SLC26A6: variants seen among roughly 807,000 people sequenced by gnomAD.
SLC26A6 encodes anion exchange transporter.
SLC26A6 carries 67 observed loss-of-function variants against 87.1 expected under a neutral mutation model. The ratio of observed to expected loss-of-function variants is 0.77; its 90% CI spans 0.63 to 0.94. The LOEUF (loss-of-function observed/expected upper bound fraction) is 0.94, where lower values mean the gene tolerates loss of function less well. SLC26A6 is among the 40% of genes least tolerant of loss of function. SLC26A6 has a pLI of 0.00. For synonymous variants in SLC26A6, 414 were observed against 405.9 expected, an observed-to-expected ratio of 1.02 and a Z score of -0.24; for missense variants, 902 against 973.0, an observed-to-expected ratio of 0.93 and a Z score of 0.97.
rs779746430 is a variant in SLC26A6, at chr3:48,626,959, G to T, written c.1990C>A (p.Pro664Thr). 4.3e-6 allele frequency: 7 copies of T among 1,614,104 alleles called. No homozygotes were observed. Among genetic ancestry groups the T allele is most frequent in the Admixed American group, 3.3e-5 (2 of 60,000 alleles). The change falls in exon 18 of 21, where the codon CCT (proline) becomes ACT (threonine). Residue 664 changes from proline to threonine, a missense_variant. Physicochemically the swap from Pro to Thr is conservative, Grantham distance 38. Around this residue, in one of 3 missense-constraint regions of SLC26A6, gnomAD observed 800 missense variants for 856.8 expected, o/e 0.93. Coordinates refer to ENST00000395550, the MANE Select transcript of SLC26A6 (RefSeq NM_022911.3). ...ATGAGGCTGTGGAAGTCTGGCTGAG[G>T]CAGGCCCAGGGCCTTCAGTGTGGAC... is the stretch of plus-strand genomic sequence containing the variant. ...DGSTLKALGL[P>T]QPDFHSLILD... is the part of the protein sequence containing the mutation.
In SLC26A6 at chr3:48,626,868, G is replaced by A. The variant is rs201456876; in HGVS notation, c.2073+8C>T. Reference sequence around the variant, plus strand: ...GCTCGAGGGGCCTTGGCCTGCCCCCGTCCTTACATTCTTCAGGCTCTTGAG... The same window carrying A: ...GCTCGAGGGGCCTTGGCCTGCCCCCATCCTTACATTCTTCAGGCTCTTGAG... On this transcript the variant is annotated splice_region_variant and intron_variant, in intron 18 of 20. Transcript: ENST00000395550. 64 of 1,612,082 alleles carry A rather than the reference G, an allele frequency of 4.0e-5. No homozygotes were observed. The East Asian group carries it at 4.0e-4, about 10-fold the overall frequency.
At chr3:48,634,288 C>T (rs1229526956) in intron 1 of SLC26A6, 2 of 152,766 alleles carry the variant, frequency 1.3e-5, no homozygotes, top group African/African-American at 4.8e-5. Context: ...GGAGAGGCTC[C>T]CACATGGAAA....
intron 13 of SLC26A6, 56 bp downstream of exon 13, chr3:48,629,816 A>C (rs2046729934): frequency 1.1e-5 from 18 of 1,611,322 alleles, no homozygotes; most frequent in Non-Finnish European, 1.4e-5. Flanking sequence ...AGCTGCGGGG[A>C]GCCCTGTGGT....
At chr3:48,635,317 C>T in intron 1 of SLC26A6, 54 bp downstream of exon 1, 2 of 1,522,160 alleles carry the variant, frequency 1.3e-6, no homozygotes, top group African/African-American at 1.5e-5. Context: ...GCGGAGAATG[C>T]CTGCTCCAGC....
chr3:48,631,332 G>C (rs1384109945), intron 7 of SLC26A6, 26 bp from the exon 8 acceptor site: 1 of 1,536,712 alleles, frequency 6.5e-7, no homozygotes, highest in Non-Finnish European at 8.8e-7. Context: ...GAGTCAGGGA[G>C]GCAGGTGCTG....
intron 5 of SLC26A6, 73 bp downstream of exon 5, chr3:48,632,172 A>C: frequency 6.4e-7 from 1 of 1,574,520 alleles, no homozygotes; most frequent in Non-Finnish European, 8.6e-7. Context: ...TCAGACACTC[A>C]GGGGAGTACA....
chr3:48,630,748 A>C (rs1323408792), intron 9 of SLC26A6, 28 bp from the exon 10 acceptor site: 1 of 1,575,368 alleles, frequency 6.3e-7, no homozygotes, highest in East Asian at 2.3e-5. Flanking sequence ...GGGTGTGAGA[A>C]GACTTCCTAG....
At chr3:48,629,377 C>T (rs566865591) in intron 14 of SLC26A6, among the ~76,000 whole-genome samples, 6 of 152,310 alleles carry the variant, frequency 3.9e-5, no homozygotes, top group South Asian at 2.1e-4. Flanking sequence ...CTCTGACCCA[C>T]GGCTGCTCTG....
intron 19 of SLC26A6, 103 bp from the exon 20 acceptor site, chr3:48,626,457 CCT>C (rs1196011355): frequency 1.1e-5 from 18 of 1,565,784 alleles, no homozygotes; most frequent in Admixed American, 3.4e-5. Context: ...GACCTCCACC[CCT>C]GAGGCTACAG....
chr3:48,627,884 CAT>C (rs2046669912), intron 17 of SLC26A6, 60 bp downstream of exon 17: 5 of 1,484,934 alleles, frequency 3.4e-6, no homozygotes, highest in South Asian at 1.3e-5. Context: ...CCTCATGAGA[CAT>C]GTGGATCCTG....
rs571193059 is a variant in SLC26A6 at position 48,630,725 on chromosome 3, C to T, written c.1135-5G>A. On this transcript the variant is annotated splice_polypyrimidine_tract_variant and splice_region_variant and intron_variant, in intron 9 of 20. Transcript: ENST00000395550. ...GAGGCCCAGGGCCACCAGCTCCTGA[C>T]GGGGGACAGTACGGGTGTGAGAAGA... The T allele has an allele frequency of 2.6e-5, 42 of 1,593,092 alleles. 1 individual carries two copies. Among genetic ancestry groups the T allele is most frequent in the Admixed American group, 1.7e-4 (10 of 57,330 alleles).
chr3:48,632,893 G>T, intron 4 of SLC26A6, 81 bp downstream of exon 4: 1 of 1,379,276 alleles, frequency 7.3e-7, no homozygotes, highest in Non-Finnish European at 1.0e-6. Context: ...AGCCGCTCCT[G>T]CCCTGCTCAG....
chr3:48,627,263 T>C, intron 17 of SLC26A6: 1 of 607,216 alleles, frequency 1.6e-6, no homozygotes, highest in Non-Finnish European at 2.9e-6. Context: ...GATGTGCATA[T>C]ACTGCTCTGC....
intron 1 of SLC26A6, chr3:48,634,005 GC>G: frequency 2.4e-6 from 1 of 416,242 alleles, no homozygotes; most frequent in Non-Finnish European, 3.5e-6. Flanking sequence ...TCCTCCAGCT[GC>G]CCCGGGAGCC....
At chr3:48,631,398 G>C in intron 7 of SLC26A6, 92 bp from the exon 8 acceptor site, 1 of 1,372,742 alleles carries the variant, frequency 7.3e-7, no homozygotes, top group Non-Finnish European at 9.7e-7. Flanking sequence ...GAGATACTGG[G>C]CAAAACCTTC....
Position 48,628,250 on chromosome 3 carries a change from G to A in SLC26A6, c.1800+184C>T. Reference sequence around the variant, plus strand: ...TCTCACTGTCACTGGTTCAGATGATGGGAGAGAAAATGCTGCCTAGAGCCC... The same window carrying A: ...TCTCACTGTCACTGGTTCAGATGATAGGAGAGAAAATGCTGCCTAGAGCCC... On this transcript the variant is annotated intron_variant, in intron 16 of 20. Coordinates refer to ENST00000395550, the MANE Select transcript of SLC26A6 (RefSeq NM_022911.3). This position sits in a 1 kb window ranked among gnomAD's most constrained non-coding sequence, Gnocchi z 4.4. The A allele has an allele frequency of 1.2e-6, 1 of 804,782 alleles. No homozygotes were observed. Among genetic ancestry groups the A allele is most frequent in the African/African-American group, 1.7e-5 (1 of 57,900 alleles). 49.9% of individuals were successfully genotyped at this position (804,782 alleles called of 1,614,324 possible). A position where few individuals can be genotyped will look rare whatever the true frequency, so the allele number is the denominator to read the frequency against.
Position 48,632,311 on chromosome 3 carries a change from C to T in SLC26A6, c.519G>A (p.Glu173=). The T allele has an allele frequency of 3.1e-6, 5 of 1,613,256 alleles. No homozygotes were observed. The highest frequency in any genetic ancestry group is 3.4e-6 in the Non-Finnish European group (4 of 1,179,828). ...GTACCCGGGCAGCATCTCTGGCTGT[C>T]TCATTGATCATGGAGTCGTTCAAGG... ...PQALNDSMIN[E]TARDAARVQV... is the part of the protein sequence containing the mutation. Residue 173 remains glutamate (E), a synonymous_variant, in exon 5 of 21, where the codon GAG becomes GAA. Transcript: ENST00000395550.
rs758706009 is a variant in SLC26A6, at chr3:48,626,627, T to C, written c.2128+4A>G. 1 of 1,614,054 alleles carries C rather than the reference T, an allele frequency of 6.2e-7. No homozygotes were observed. Among genetic ancestry groups the C allele is most frequent in the Non-Finnish European group, 8.5e-7 (1 of 1,180,010 alleles). ...GTCCCTCCTGCTGTTCCCACCCTACTCACTGTGGCAGGCCGCCATGTACAC... is the reference window on the plus strand; with the variant it reads ...GTCCCTCCTGCTGTTCCCACCCTACCCACTGTGGCAGGCCGCCATGTACAC... On this transcript the variant is annotated splice_donor_region_variant and intron_variant, in intron 19 of 20. Coordinates refer to ENST00000395550, the MANE Select transcript of SLC26A6 (RefSeq NM_022911.3).
rs780725743 is a variant in SLC26A6, at chr3:48,630,022, G to A, written c.1422+40C>T. 2.5e-6 allele frequency: 4 copies of A among 1,613,814 alleles called. No individual in the cohort carries two copies. In the South Asian group the frequency reaches 3.3e-5, roughly 13 times the overall value. On this transcript the variant is annotated intron_variant, in intron 12 of 20. Transcript: ENST00000395550. The stretch of plus-strand genomic sequence containing the variant: ...GGTTGGAGGGCGGCGAGGAGCCATG[G>A]GGCTGCCCAGTCCCTGCCCTGGGCT...
Sources: allele counts gnomAD v4.1 joint callset (sites outside exome capture counted in the v4.1 genomes callset), GRCh38; gene constraint gnomAD v4.1.1; regional missense constraint gnomAD v4.1.1; non-coding constraint Gnocchi (gnomAD v3.1); transcripts MANE v1.5; gene names NCBI Gene and HGNC (gene_info 2026-07-23, HGNC 2026-07-21).